The following PPARGC1A variants were observed in gnomAD, a reference collection of about 807,000 sequenced individuals.
PPARGC1A encodes peroxisome proliferator-activated receptor gamma coactivator 1-alpha.
Under a neutral mutation model 88.7 loss-of-function variants are expected in PPARGC1A, and 25 were observed. The ratio of observed to expected loss-of-function variants is 0.28; its 90% CI spans 0.21 to 0.39. PPARGC1A has a LOEUF of 0.39. PPARGC1A is among the 10% of genes least tolerant of loss of function. The pLI is 1.00. For missense variants in PPARGC1A, 880 were observed against 968.7 expected (o/e 0.91, Z 1.22); for synonymous variants, 363 against 355.6 (o/e 1.02, Z -0.24).
At chr4:24,326,415 C>A in the PPARGC1A span, among the ~76,000 whole-genome samples, 1 of 151,962 alleles carries the variant, frequency 6.6e-6, no homozygotes. Context: ...ACTCTCCTAT[C>A]CTCAATACCT....
chr4:24,353,518 A>C, the PPARGC1A span, among the ~76,000 whole-genome samples: 2 of 152,192 alleles, frequency 1.3e-5, no homozygotes, highest in Non-Finnish European at 2.9e-5. Flanking sequence ...CGGCCACTAA[A>C]CTTCAGATTT....
At chr4:24,359,420 C>T in the PPARGC1A span, among the ~76,000 whole-genome samples, 3 of 152,172 alleles carry the variant, frequency 2.0e-5, no homozygotes, top group Non-Finnish European at 4.4e-5. Flanking sequence ...GAACTCCATA[C>T]CCCATGTCCA....
At chr4:23,832,990 T>C (rs189916867) in intron 2 of PPARGC1A, among the ~76,000 whole-genome samples, 1 of 152,100 alleles carries the variant, frequency 6.6e-6, no homozygotes, top group Non-Finnish European at 1.5e-5. Flanking sequence ...AACACACTCA[T>C]AGAAAGCTAA....
rs869030712 is a variant in PPARGC1A at position 23,832,607 on chromosome 4, TTTTTC to T, written c.235-861_235-857del. On this transcript the variant is annotated intron_variant, in intron 2 of 12. Transcript: ENST00000264867. ...GCACTATTATTTCTTTTTCTTTTTC[TTTTTC>T]TTTTTTTTTTTTTTTGAGACAGGGT... 9.8e-3 allele frequency among the ~76,000 whole-genome samples: 1,395 copies of T among 142,912 alleles called. 15 individuals carry two copies. Among genetic ancestry groups the T allele is most frequent in the African/African-American group, 0.037 (1,279 of 34,234 alleles). 93.8% of individuals were successfully genotyped at this position (142,912 alleles called of 152,430 possible). A position where few individuals can be genotyped will look rare whatever the true frequency, so the allele number is the denominator to read the frequency against.
At chr4:23,816,480 T>C (rs986057079) in intron 7 of PPARGC1A, among the ~76,000 whole-genome samples, 5 of 152,196 alleles carry the variant, frequency 3.3e-5, no homozygotes, top group African/African-American at 1.2e-4. Context: ...CACTGCCTTA[T>C]TCATGCATAC....
chr4:23,921,289 G>A, the PPARGC1A span, among the ~76,000 whole-genome samples: 4 of 152,188 alleles, frequency 2.6e-5, no homozygotes, highest in African/African-American at 9.7e-5. Flanking sequence ...GTGTGTGTGT[G>A]CGTCAGGGGA....
At chr4:24,336,079 A>AT in the PPARGC1A span, among the ~76,000 whole-genome samples, 2 of 150,390 alleles carry the variant, frequency 1.3e-5, no homozygotes, top group South Asian at 4.2e-4. Flanking sequence ...GCCTCTTTTA[A>AT]TTTTTTCTGT....
At chr4:23,829,442 T>C in intron 4 of PPARGC1A, 21 bp downstream of exon 4, 2 of 1,610,838 alleles carry the variant, frequency 1.2e-6, no homozygotes, top group Non-Finnish European at 1.7e-6. Context: ...CCCCCCTGTA[T>C]TAAAAAATTT....
chr4:24,457,206 C>T, the PPARGC1A span, among the ~76,000 whole-genome samples: 2 of 152,078 alleles, frequency 1.3e-5, no homozygotes, highest in Admixed American at 1.3e-4. Flanking sequence ...ATAGTCACTC[C>T]CCCTGCCCTC....
At chr4:23,918,906 A>G in the PPARGC1A span, among the ~76,000 whole-genome samples, 3 of 152,104 alleles carry the variant, frequency 2.0e-5, no homozygotes, top group African/African-American at 7.3e-5. Flanking sequence ...TATACATTTC[A>G]TGCAAACCCT....
upstream of PPARGC1A, among the ~76,000 whole-genome samples, chr4:23,891,385 CTAAATA>C (rs1370533630): frequency 6.6e-6 from 1 of 152,140 alleles, no homozygotes; most frequent in Non-Finnish European, 1.5e-5. Context: ...CCCCAGTTAC[CTAAATA>C]TAATTTGTAA....
chr4:24,457,562 T>TG, the PPARGC1A span, among the ~76,000 whole-genome samples: 1 of 149,186 alleles, frequency 6.7e-6, no homozygotes, highest in Non-Finnish European at 1.5e-5. Context: ...TTTGTTTGTT[T>TG]TAAGATGGAG....
the PPARGC1A span, among the ~76,000 whole-genome samples, chr4:24,296,902 A>G: frequency 1.3e-5 from 2 of 151,954 alleles, no homozygotes; most frequent in Non-Finnish European, 1.5e-5. Flanking sequence ...ATCTCCTCCT[A>G]TCTCACCTTT....
the PPARGC1A span, among the ~76,000 whole-genome samples, chr4:24,002,091 C>CAG: frequency 2.1e-4 from 29 of 137,702 alleles, no homozygotes; most frequent in African/African-American, 6.8e-4. Flanking sequence ...CACACACACA[C>CAG]ACACACAGAG....
the PPARGC1A span, among the ~76,000 whole-genome samples, chr4:24,457,334 G>A: frequency 2.6e-5 from 4 of 152,062 alleles, no homozygotes; most frequent in Non-Finnish European, 5.9e-5. Flanking sequence ...AGAAAGAGGG[G>A]CAAGCCAGAG....
the PPARGC1A span, among the ~76,000 whole-genome samples, chr4:24,071,178 C>T: frequency 6.6e-6 from 1 of 152,054 alleles, no homozygotes; most frequent in Non-Finnish European, 1.5e-5. Flanking sequence ...ACTTACCATC[C>T]CCACCTCAGT....
chr4:24,126,267 C>CCACACACACACACACACACACACA, the PPARGC1A span, among the ~76,000 whole-genome samples: 24 of 146,444 alleles, frequency 1.6e-4, no homozygotes, highest in African/African-American at 5.5e-4. Context: ...TGGCTTCTCA[C>CCACACACACACACACACACACACA]CACACACACA....
the PPARGC1A span, among the ~76,000 whole-genome samples, chr4:24,187,338 A>C: frequency 6.6e-6 from 1 of 151,862 alleles, no homozygotes; most frequent in African/African-American, 2.4e-5. Flanking sequence ...AGATAAAAAC[A>C]CTGAGGTGCT....
chr4:24,334,794 T>A, the PPARGC1A span, among the ~76,000 whole-genome samples: 1 of 152,230 alleles, frequency 6.6e-6, no homozygotes, highest in Non-Finnish European at 1.5e-5. Flanking sequence ...GTGTTCCCTA[T>A]GATGTGATAC....
Sources: gnomAD v4.1 joint callset for allele counts (sites outside exome capture counted in the v4.1 genomes callset) on GRCh38, gnomAD v4.1.1 for gene constraint, MANE v1.5 for transcripts, NCBI Gene and HGNC (gene_info 2026-07-23, HGNC 2026-07-21) for gene names.